Variants in CENPP observed in about 807,000 individuals in gnomAD.
The protein encoded by CENPP is centromere protein P.
A neutral mutation model predicts 35.6 loss-of-function variants in CENPP; 24 were observed. The ratio of observed to expected loss-of-function variants is 0.67; its 90% confidence interval spans 0.49 to 0.95. The LOEUF (loss-of-function observed/expected upper bound fraction) is 0.95. CENPP is among the 40% of genes least tolerant of loss of function. The pLI, the probability that CENPP is intolerant of heterozygous loss-of-function variation, is 0.00. For missense variants in CENPP, 332 were observed against 345.3 expected (o/e 0.96, Z 0.31); for synonymous variants, 120 against 125.5 (o/e 0.96, Z 0.29).
At chr9:92,449,437 C>CAA (rs56218626) in intron 5 of CENPP, among the ~76,000 whole-genome samples, 11 of 54,954 alleles carry the variant, frequency 2.0e-4, no homozygotes, top group African/African-American at 6.0e-4. Flanking sequence ...ACTCTATCTC[C>CAA]AAAAAAAAAA....
Position 92,436,507 on chromosome 9 carries a change from C to A in CENPP, c.564+56648C>A, listed in dbSNP as rs142370186. On this transcript the variant is annotated intron_variant, in intron 5 of 7. Transcript: ENST00000375587. Reference sequence around the variant, plus strand: ...AGTCCTAGCTCTCAAAGATCTTCATCTATGTTATTTTCTAAAAGTATAGCT... The same window carrying A: ...AGTCCTAGCTCTCAAAGATCTTCATATATGTTATTTTCTAAAAGTATAGCT... 1.4e-3 allele frequency among the ~76,000 whole-genome samples: 216 copies of A among 152,196 alleles called. 1 individual carries two copies. Among genetic ancestry groups the A allele is most frequent in the African/African-American group, 4.7e-3 (194 of 41,532 alleles).
intron 5 of CENPP, among the ~76,000 whole-genome samples, chr9:92,449,827 C>G (rs1183353116): frequency 6.6e-6 from 1 of 152,136 alleles, no homozygotes; most frequent in Non-Finnish European, 1.5e-5. Context: ...TGAGGCCTCC[C>G]CAGAAGCAGA....
At chr9:92,497,666 G>GA (rs1046831670) in intron 5 of CENPP, among the ~76,000 whole-genome samples, 3 of 151,082 alleles carry the variant, frequency 2.0e-5, no homozygotes, top group African/African-American at 7.3e-5. Flanking sequence ...AAAAAGGGTA[G>GA]AAAAAATACA....
At chr9:92,590,645 T>C (rs1004747679) in intron 5 of CENPP, among the ~76,000 whole-genome samples, 1 of 152,180 alleles carries the variant, frequency 6.6e-6, no homozygotes, top group Admixed American at 6.5e-5. Context: ...AAACACAACA[T>C]CTCTCTGTTT....
At chr9:92,347,519 T>G (rs1056168303) in intron 4 of CENPP, among the ~76,000 whole-genome samples, 6 of 152,258 alleles carry the variant, frequency 3.9e-5, no homozygotes, top group African/African-American at 1.4e-4. Flanking sequence ...AAGTTACCTC[T>G]CCTTTTGGAG....
Position 92,617,464 on chromosome 9 carries a change from C to G in CENPP, c.*4315C>G, listed in dbSNP as rs934937756. On this transcript the variant is annotated 3_prime_UTR_variant, in exon 8 of 8. Coordinates refer to ENST00000375587, the MANE Select transcript of CENPP (RefSeq NM_001012267.3). ...CATGGGAACCAATGGCAGTGACCAG[C>G]GGGCACCAGCTCCTGACACAGAAAT... The G allele has an allele frequency of 6.5e-6, 1 of 152,792 alleles. No individual in the cohort carries two copies. Among genetic ancestry groups the G allele is most frequent in the Non-Finnish European group, 1.5e-5 (1 of 68,514 alleles). 9.5% of individuals were successfully genotyped at this position (152,792 alleles called of 1,614,324 possible).
At chr9:92,371,448 G>C (rs942324157) in intron 4 of CENPP, among the ~76,000 whole-genome samples, 4 of 152,076 alleles carry the variant, frequency 2.6e-5, no homozygotes, top group African/African-American at 9.7e-5. Context: ...TTGATTTCTA[G>C]TTGTATTCCA....
intron 5 of CENPP, chr9:92,457,414 C>A: frequency 1.2e-6 from 2 of 1,613,684 alleles, no homozygotes; most frequent in East Asian, 2.2e-5. Context: ...AAGATTTCTT[C>A]ATCTTTGGCA....
At chr9:92,460,056 C>CTTTTT (rs869237016) in intron 5 of CENPP, among the ~76,000 whole-genome samples, 2 of 109,578 alleles carry the variant, frequency 1.8e-5, no homozygotes, top group Non-Finnish European at 1.9e-5. Flanking sequence ...AACGGTGGTT[C>CTTTTT]TTTTTTTTTT....
intron 5 of CENPP, among the ~76,000 whole-genome samples, chr9:92,454,939 G>A (rs957074182): frequency 6.6e-6 from 1 of 152,112 alleles, no homozygotes; most frequent in Non-Finnish European, 1.5e-5. Context: ...GCTCAAAAAA[G>A]TAGCAGTTTT....
At chr9:92,428,909 G>A (rs1844034599) in intron 5 of CENPP, among the ~76,000 whole-genome samples, 1 of 147,296 alleles carries the variant, frequency 6.8e-6, no homozygotes, top group Non-Finnish European at 1.5e-5. Context: ...CCATGTTTCT[G>A]TCTCACTATG....
chr9:92,423,318 T>C (rs1843870718), intron 5 of CENPP, among the ~76,000 whole-genome samples: 2 of 152,134 alleles, frequency 1.3e-5, no homozygotes, highest in South Asian at 4.1e-4. Context: ...AATAAAACCA[T>C]CTGTGTCATA....
At chr9:92,518,508 C>T (rs971416060) in intron 5 of CENPP, among the ~76,000 whole-genome samples, 2 of 152,154 alleles carry the variant, frequency 1.3e-5, no homozygotes, top group Non-Finnish European at 2.9e-5. Context: ...AGCATGCTTC[C>T]GTGGTGCTTC....
chr9:92,522,885 A>G (rs1412320389), intron 5 of CENPP: 5 of 1,579,644 alleles, frequency 3.2e-6, no homozygotes, highest in East Asian at 4.5e-5. Context: ...TTTTTCCACC[A>G]GCCAATTTCT....
rs567927876 is a variant in CENPP at position 92,614,442 on chromosome 9, T to C, written c.*1293T>C. 3 of 152,348 alleles carry C rather than the reference T, an allele frequency of 2.0e-5. No individual in the cohort carries two copies. The highest frequency in any genetic ancestry group is 6.5e-5 in the Admixed American group (1 of 15,286). 9.4% of individuals were successfully genotyped at this position (152,348 alleles called of 1,614,324 possible). On this transcript the variant is annotated 3_prime_UTR_variant, in exon 8 of 8. Coordinates refer to ENST00000375587, the MANE Select transcript of CENPP (RefSeq NM_001012267.3). Reference sequence around the variant, plus strand: ...GACCCGTGTGTATGAGACGGTGTCATTGGAAGTGAGAAGAAAACAGTAAAA... The same window carrying C: ...GACCCGTGTGTATGAGACGGTGTCACTGGAAGTGAGAAGAAAACAGTAAAA...
intron 5 of CENPP, among the ~76,000 whole-genome samples, chr9:92,434,443 A>G (rs1313040805): frequency 6.6e-6 from 1 of 152,126 alleles, no homozygotes; most frequent in Non-Finnish European, 1.5e-5. Flanking sequence ...TTTAGTTAAC[A>G]TCTAATAAGA....
intron 5 of CENPP, chr9:92,417,241 C>T (rs1217969187): frequency 6.2e-7 from 1 of 1,613,990 alleles, no homozygotes; most frequent in South Asian, 1.1e-5. Context: ...AATTTGCAGT[C>T]ACAGCCTCAA....
intron 2 of CENPP, among the ~76,000 whole-genome samples, chr9:92,333,770 C>T (rs567233151): frequency 1.2e-4 from 19 of 152,048 alleles, no homozygotes; most frequent in Middle Eastern, 3.4e-3. Context: ...CACTGTCACC[C>T]GGGCTGGAGT....
chr9:92,579,652 G>C (rs1240832680), intron 5 of CENPP, among the ~76,000 whole-genome samples: 1 of 150,336 alleles, frequency 6.7e-6, no homozygotes, highest in Non-Finnish European at 1.5e-5. Context: ...CATTGATTTT[G>C]TATCCTGACA....
Sources: allele counts gnomAD v4.1 joint callset (sites outside exome capture counted in the v4.1 genomes callset), GRCh38; gene constraint gnomAD v4.1.1; transcripts MANE v1.5; gene names NCBI Gene and HGNC (gene_info 2026-07-23, HGNC 2026-07-21).